TIAM1: variants seen among roughly 807,000 people sequenced by gnomAD.
TIAM1 encodes the protein rho guanine nucleotide exchange factor TIAM1.
Under a neutral mutation model 163.5 loss-of-function variants are expected in TIAM1, and 65 were observed. The observed-to-expected ratio is 0.40, with a 90% CI of 0.33 to 0.49. The LOEUF (loss-of-function observed/expected upper bound fraction) is 0.49. Ranked by LOEUF, TIAM1 falls within the 20% of genes least tolerant of loss-of-function variation. The pLI, the probability that TIAM1 is intolerant of heterozygous loss-of-function variation, is 0.77. For synonymous variants in TIAM1, 833 were observed against 810.1 expected (o/e 1.03, Z -0.48); for missense variants, 1,789 against 2,044.7 (o/e 0.87, Z 2.41).
chr21:31,517,423 T>C (rs1389952570), intron 1 of TIAM1, among the ~76,000 whole-genome samples: 1 of 152,170 alleles, frequency 6.6e-6, no homozygotes, highest in Non-Finnish European at 1.5e-5. Context: ...AAAATATTAA[T>C]GGATGATACT....
chr21:31,368,746 T>C (rs1004768560), intron 2 of TIAM1, among the ~76,000 whole-genome samples: 1 of 152,100 alleles, frequency 6.6e-6, no homozygotes, highest in Non-Finnish European at 1.5e-5. Context: ...ATAAGCTACA[T>C]AGAGTAGCAG....
chr21:31,437,795 C>T (rs141755427), intron 2 of TIAM1, among the ~76,000 whole-genome samples: 1 of 152,282 alleles, frequency 6.6e-6, no homozygotes, highest in African/African-American at 2.4e-5. Flanking sequence ...TTCCCGAGAT[C>T]CCCCAGCCAT....
chr21:31,400,975 C>A (rs2077155729), intron 2 of TIAM1, among the ~76,000 whole-genome samples: 1 of 152,072 alleles, frequency 6.6e-6, no homozygotes, highest in Non-Finnish European at 1.5e-5. Context: ...CCTGTAATCC[C>A]AGCTACTCAG....
intron 13 of TIAM1, 73 bp downstream of exon 13, chr21:31,195,151 G>A (rs1420928849): frequency 1.6e-6 from 2 of 1,278,986 alleles, no homozygotes; most frequent in African/African-American, 1.5e-5. Flanking sequence ...GCATTTTGTT[G>A]AACTGTAAAT....
chr21:31,487,473 C>A lies in TIAM1; in HGVS notation c.-421-23438G>T, dbSNP rs866674438. 2.0e-5 allele frequency among the ~76,000 whole-genome samples: 3 copies of A among 152,014 alleles called. No individual in the cohort carries two copies. The South Asian group carries it at 6.2e-4, about 32-fold the overall frequency. ...ATAACCTCCGCCTCCTGGGTTCAAG[C>A]GATTCTCCTGCCTCAGCCTCCCAAG... On this transcript the variant is annotated intron_variant, in intron 1 of 28. Transcript: ENST00000286827.
intron 22 of TIAM1, among the ~76,000 whole-genome samples, chr21:31,137,509 G>A (rs527240477): frequency 6.0e-4 from 91 of 152,152 alleles, no homozygotes; most frequent in African/African-American, 2.1e-3. Flanking sequence ...AAGAGGAGGA[G>A]TTACATACAA....
intron 13 of TIAM1, among the ~76,000 whole-genome samples, chr21:31,191,920 G>A (rs1200158274): frequency 6.6e-6 from 1 of 152,180 alleles, no homozygotes; most frequent in Non-Finnish European, 1.5e-5. Flanking sequence ...ATCTTTGCTA[G>A]TTTATCCTTA....
intron 1 of TIAM1, among the ~76,000 whole-genome samples, chr21:31,537,785 T>C (rs1353411801): frequency 6.6e-6 from 1 of 151,954 alleles, no homozygotes; most frequent in Non-Finnish European, 1.5e-5. Context: ...AGTATTAATA[T>C]TTACCCAAGA....
chr21:31,135,937 T>C lies in TIAM1; in HGVS notation c.3879A>G (p.Ala1293=). 9 of 1,614,178 alleles carry C rather than the reference T, an allele frequency of 5.6e-6. No homozygotes were observed. The highest frequency in any genetic ancestry group is 7.6e-6 in the Non-Finnish European group (9 of 1,179,994). The change falls in exon 23 of 28, where the codon GCA becomes GCG. Residue 1293 remains alanine, a synonymous_variant. Coordinates refer to ENST00000541036, the MANE Select transcript of TIAM1 (RefSeq NM_001353694.2). ...GKWKKEPELA[A]FVFKTAVVLV... is the part of the protein sequence containing the mutation. Reference sequence around the variant, plus strand: ...AAACGCTTTTCTGATACACACCGAATGCTGCCAACTCTGGTTCCTTTTTCC... The same window carrying C: ...AAACGCTTTTCTGATACACACCGAACGCTGCCAACTCTGGTTCCTTTTTCC...
intron 2 of TIAM1, among the ~76,000 whole-genome samples, chr21:31,404,847 T>A (rs1016782560): frequency 2.0e-5 from 3 of 152,038 alleles, no homozygotes; most frequent in Non-Finnish European, 2.9e-5. Context: ...AAATAAAGTT[T>A]AAAAAAACAC....
chr21:31,231,890 G>A (rs956684183), intron 6 of TIAM1, among the ~76,000 whole-genome samples: 1 of 152,002 alleles, frequency 6.6e-6, no homozygotes, highest in Non-Finnish European at 1.5e-5. Flanking sequence ...GCACATGCCT[G>A]TAGTCCTAGC....
intron 19 of TIAM1, among the ~76,000 whole-genome samples, chr21:31,152,044 TTTTG>T (rs201232968): frequency 0.34 from 14,852 of 43,148 alleles, 1,690 homozygotes; most frequent in African/African-American, 0.39. Context: ...TTTTTTTTTT[TTTTG>T]TAAGACGGAG....
Position 31,227,884 on chromosome 21 carries a change from T to C in TIAM1, c.1585-1934A>G, listed in dbSNP as rs574412507. On this transcript the variant is annotated intron_variant, in intron 6 of 27. Coordinates refer to ENST00000541036, the MANE Select transcript of TIAM1 (RefSeq NM_001353694.2). ...CTCCCAGTGCCTCACAATAAATGGG[T>C]ATCTCGTTAGGTGGGGTTATACTCC... 2.0e-5 allele frequency among the ~76,000 whole-genome samples: 3 copies of C among 152,042 alleles called. No individual in the cohort carries two copies. The East Asian group carries it at 5.8e-4, about 29-fold the overall frequency.
At chr21:31,175,982 A>G (rs1202192702) in intron 15 of TIAM1, among the ~76,000 whole-genome samples, 4 of 152,166 alleles carry the variant, frequency 2.6e-5, no homozygotes, top group African/African-American at 7.2e-5. Context: ...ATTTCCCTAA[A>G]AGGGTGATAG....
intron 11 of TIAM1, 26 bp from the exon 12 acceptor site, chr21:31,203,038 G>C: frequency 1.3e-6 from 2 of 1,559,032 alleles, no homozygotes; most frequent in Non-Finnish European, 1.8e-6. Flanking sequence ...AAGAAAGAAA[G>C]AAAATGTCTG....
At chr21:31,385,803 TATTTA>T (rs2076857366) in intron 2 of TIAM1, among the ~76,000 whole-genome samples, 2 of 147,290 alleles carry the variant, frequency 1.4e-5, no homozygotes, top group Admixed American at 1.4e-4. Context: ...ATTTTAATAA[TATTTA>T]ATTTAAAATT....
intron 12 of TIAM1, among the ~76,000 whole-genome samples, chr21:31,201,862 C>T (rs969945837): frequency 2.2e-4 from 33 of 152,270 alleles, no homozygotes; most frequent in South Asian, 2.1e-4. Context: ...AACTGACAAA[C>T]GCACCACTTT....
At chr21:31,513,725 G>A (rs1026862825) in intron 1 of TIAM1, among the ~76,000 whole-genome samples, 2 of 152,104 alleles carry the variant, frequency 1.3e-5, no homozygotes, top group Non-Finnish European at 2.9e-5. Context: ...TAAGGTTCTG[G>A]AGCCAGATGC....
chr21:31,424,798 C>T (rs145001431), intron 2 of TIAM1, among the ~76,000 whole-genome samples: 4,179 of 152,268 alleles, frequency 0.027, 88 homozygotes, highest in Non-Finnish European at 0.045. Context: ...CGCCTATAAT[C>T]CCAGCACTTT....
Sources: gnomAD v4.1 joint callset for allele counts (sites outside exome capture counted in the v4.1 genomes callset) on GRCh38, gnomAD v4.1.1 for gene constraint, MANE v1.5 for transcripts, NCBI Gene and HGNC (gene_info 2026-07-23, HGNC 2026-07-21) for gene names.